VIT: variants seen among roughly 807,000 people sequenced by gnomAD.
The protein encoded by VIT is vitrin.
In VIT, 99 loss-of-function variants were observed where a neutral mutation model predicts 78.0. The ratio of observed to expected loss-of-function variants is 1.27; its 90% CI spans 1.08 to 1.50. The LOEUF is 1.50. Ranked by LOEUF, VIT falls within the 40% of genes most tolerant of loss-of-function variation. The pLI is 0.00. For missense variants in VIT, 1,126 were observed against 875.3 expected (o/e 1.29, Z -3.61); for synonymous variants, 374 against 334.3 (o/e 1.12, Z -1.29).
intron 3 of VIT, among the ~76,000 whole-genome samples, chr2:36,732,865 G>A (rs1386136772): frequency 6.6e-6 from 1 of 152,208 alleles, no homozygotes; most frequent in Non-Finnish European, 1.5e-5. Flanking sequence ...GGATTCTGAA[G>A]GCCAAATAGG....
chr2:36,760,615 C>G (rs1227745585), intron 6 of VIT, among the ~76,000 whole-genome samples: 1 of 152,188 alleles, frequency 6.6e-6, no homozygotes, highest in Non-Finnish European at 1.5e-5. Flanking sequence ...GCTGGCATCT[C>G]TGTTGTTTCA....
chr2:36,727,239 AG>A (rs1267191129), intron 2 of VIT, among the ~76,000 whole-genome samples: 1 of 151,928 alleles, frequency 6.6e-6, no homozygotes, highest in Non-Finnish European at 1.5e-5. Context: ...CTCTCTTCTG[AG>A]GCTTTTTTTA....
At chr2:36,699,504 A>G (rs1415380908) in intron 1 of VIT, among the ~76,000 whole-genome samples, 1 of 116,068 alleles carries the variant, frequency 8.6e-6, no homozygotes, top group African/African-American at 2.8e-5. Context: ...TTCACAAGAC[A>G]ATTAGAGGGG....
intron 3 of VIT, among the ~76,000 whole-genome samples, chr2:36,730,345 G>T (rs370320846): frequency 3.3e-5 from 5 of 151,770 alleles, no homozygotes; most frequent in African/African-American, 1.2e-4. Context: ...GTTTACTTAA[G>T]ACTGCAGTTT....
At chr2:36,740,378 C>T (rs1667764341) in intron 3 of VIT, among the ~76,000 whole-genome samples, 1 of 152,212 alleles carries the variant, frequency 6.6e-6, no homozygotes, top group Non-Finnish European at 1.5e-5. Flanking sequence ...TTTCCATATA[C>T]TTAAAGAAGA....
At chr2:36,751,729 C>T (rs1025609145) in intron 4 of VIT, among the ~76,000 whole-genome samples, 5 of 152,104 alleles carry the variant, frequency 3.3e-5, no homozygotes, top group African/African-American at 7.2e-5. Context: ...GAGCTTGATT[C>T]GCTTGTTTTG....
intron 7 of VIT, among the ~76,000 whole-genome samples, chr2:36,771,252 G>A (rs545761606): frequency 4.6e-5 from 7 of 152,212 alleles, no homozygotes; most frequent in African/African-American, 1.2e-4. Context: ...CGGCTTTGCC[G>A]GTCCCGGTGG....
chr2:36,713,330 C>T (rs1026611548), intron 1 of VIT, among the ~76,000 whole-genome samples: 2 of 152,156 alleles, frequency 1.3e-5, no homozygotes, highest in Non-Finnish European at 2.9e-5. Context: ...AAAAGGTGTT[C>T]CAGAAACAGC....
At chr2:36,775,417 C>A (rs971733625) in intron 9 of VIT, among the ~76,000 whole-genome samples, 2 of 152,202 alleles carry the variant, frequency 1.3e-5, no homozygotes, top group South Asian at 4.1e-4. Flanking sequence ...CCAGATACAG[C>A]ACATGGTTCG....
At chr2:36,792,057 C>T (rs1051866406) in intron 12 of VIT, among the ~76,000 whole-genome samples, 1 of 152,176 alleles carries the variant, frequency 6.6e-6, no homozygotes, top group African/African-American at 2.4e-5. Flanking sequence ...TGGGCCTTGA[C>T]TTCACGTTGG....
intron 2 of VIT, among the ~76,000 whole-genome samples, chr2:36,725,797 C>T (rs1223283338): frequency 2.0e-5 from 3 of 152,180 alleles, no homozygotes; most frequent in Non-Finnish European, 4.4e-5. Flanking sequence ...ACCCGCCGGG[C>T]ACAGTGGCTC....
chr2:36,768,128 C>T (rs1669545769), intron 7 of VIT, among the ~76,000 whole-genome samples: 1 of 152,186 alleles, frequency 6.6e-6, no homozygotes, highest in Non-Finnish European at 1.5e-5. Flanking sequence ...TATCCATCTT[C>T]TTATTTAAAA....
chr2:36,786,276 C>G (rs773760130), intron 11 of VIT, among the ~76,000 whole-genome samples: 14 of 151,990 alleles, frequency 9.2e-5, no homozygotes, highest in Non-Finnish European at 2.1e-4. Flanking sequence ...GGATCTATAG[C>G]TCCCAATAAG....
intron 9 of VIT, 46 bp downstream of exon 9, chr2:36,775,113 C>T: frequency 6.2e-7 from 1 of 1,607,622 alleles, no homozygotes; most frequent in Non-Finnish European, 8.5e-7. Flanking sequence ...GGAATTTGCT[C>T]TGTGGCACTT....
At chr2:36,715,988 A>G (rs2148447952) in intron 1 of VIT, among the ~76,000 whole-genome samples, 1 of 152,354 alleles carries the variant, frequency 6.6e-6, no homozygotes, top group Middle Eastern at 3.4e-3. Context: ...TGAAGTATTA[A>G]TAATTGTAAT....
intron 1 of VIT, among the ~76,000 whole-genome samples, chr2:36,707,631 G>A (rs948407422): frequency 6.6e-5 from 10 of 152,142 alleles, no homozygotes; most frequent in South Asian, 4.1e-4. Flanking sequence ...CTCAGTGGCC[G>A]GGCTGCACTG....
intron 13 of VIT, among the ~76,000 whole-genome samples, chr2:36,802,671 C>G (rs1329165328): frequency 6.6e-6 from 1 of 152,138 alleles, no homozygotes; most frequent in Non-Finnish European, 1.5e-5. Flanking sequence ...TAGTAAAATC[C>G]CAGTGGAGAC....
chr2:36,740,254 A>G (rs1012263244), intron 3 of VIT, among the ~76,000 whole-genome samples: 2 of 152,246 alleles, frequency 1.3e-5, no homozygotes, highest in Non-Finnish European at 2.9e-5. Flanking sequence ...AGGAAAGGCC[A>G]ACATCCGTTT....
intron 3 of VIT, among the ~76,000 whole-genome samples, chr2:36,736,884 T>C (rs1205318120): frequency 1.3e-5 from 2 of 152,290 alleles, no homozygotes; most frequent in East Asian, 1.9e-4. Context: ...TTTCATAAAG[T>C]TGAAAAATCT....
Sources: allele counts gnomAD v4.1 joint callset (sites outside exome capture counted in the v4.1 genomes callset), GRCh38; gene constraint gnomAD v4.1.1; transcripts MANE v1.5; gene names NCBI Gene and HGNC (gene_info 2026-07-23, HGNC 2026-07-21).